The following ABCA9 variants were observed in gnomAD, a reference collection of about 807,000 sequenced individuals.
The protein encoded by ABCA9 is ATP-binding cassette sub-family A member 9.
Under a neutral mutation model 205.3 loss-of-function variants are expected in ABCA9, and 183 were observed. The observed-to-expected ratio is 0.89, with a 90% CI of 0.79 to 1.01. ABCA9 has a LOEUF of 1.01. ABCA9 is among the 50% of genes least tolerant of loss of function. ABCA9 has a pLI of 0.00. For synonymous variants in ABCA9, 651 were observed against 683.3 expected, an observed-to-expected ratio of 0.95 and a Z score of 0.74; for missense variants, 1,805 against 1,912.4, an observed-to-expected ratio of 0.94 and a Z score of 1.05.
chr17:69,015,969 TTG>T (rs3046825), intron 22 of ABCA9, among the ~76,000 whole-genome samples: 75,381 of 147,930 alleles, frequency 0.51, 21,587 homozygotes, highest in Non-Finnish European at 0.65. Flanking sequence ...CAATTCTAAA[TTG>T]TGTGTGTGTG....
At chr17:69,036,952 T>G (rs2071363302) in intron 6 of ABCA9, among the ~76,000 whole-genome samples, 1 of 123,184 alleles carries the variant, frequency 8.1e-6, no homozygotes, top group African/African-American at 3.1e-5. Context: ...CAACAAAGAT[T>G]AAAAAAAGAC....
At chr17:69,074,178 T>G in the ABCA9 span, among the ~76,000 whole-genome samples, 67 of 152,264 alleles carry the variant, frequency 4.4e-4, no homozygotes, top group Middle Eastern at 3.4e-3. Flanking sequence ...GATTCTTTTA[T>G]TCAATTTTAT....
At chr17:69,049,598 C>T (rs2071835627) in intron 2 of ABCA9, 108 bp from the exon 3 acceptor site, 2 of 912,194 alleles carry the variant, frequency 2.2e-6, no homozygotes, top group Non-Finnish European at 3.2e-6. Flanking sequence ...GCTTGCATTC[C>T]ATTTATTCTT....
intron 37 of ABCA9, among the ~76,000 whole-genome samples, chr17:68,977,262 G>A (rs1426178370): frequency 6.6e-6 from 1 of 152,112 alleles, no homozygotes; most frequent in Non-Finnish European, 1.5e-5. Context: ...ACCCCGGGGA[G>A]CTGTAATCAG....
intron 6 of ABCA9, chr17:69,042,681 G>A (rs1445758041): frequency 6.6e-6 from 1 of 152,208 alleles, no homozygotes; most frequent in Non-Finnish European, 1.5e-5. Context: ...GGCGCCCTGA[G>A]TATTGGCAAA....
intron 25 of ABCA9, among the ~76,000 whole-genome samples, chr17:69,006,942 T>C (rs1038109794): frequency 6.6e-6 from 1 of 152,130 alleles, no homozygotes. Context: ...TATGAAAGCA[T>C]AGGCAATGGA....
At chr17:68,997,032 G>C (rs778682786) in intron 25 of ABCA9, among the ~76,000 whole-genome samples, 20 of 152,216 alleles carry the variant, frequency 1.3e-4, no homozygotes, top group Non-Finnish European at 2.4e-4. Context: ...TCAGGTTCAA[G>C]CGATTCTCCT....
the ABCA9 span, among the ~76,000 whole-genome samples, chr17:69,071,105 A>G: frequency 1.3e-5 from 2 of 152,198 alleles, no homozygotes; most frequent in African/African-American, 4.8e-5. Flanking sequence ...GGGCTTATAG[A>G]TAAAACTCTG....
At chr17:69,059,803 GC>G in intron 1 of ABCA9, among the ~76,000 whole-genome samples, 1 of 152,058 alleles carries the variant, frequency 6.6e-6, no homozygotes, top group South Asian at 2.1e-4. Flanking sequence ...TGCCTCATCA[GC>G]AGAACAAAGA....
intron 1 of ABCA9, among the ~76,000 whole-genome samples, chr17:69,060,050 G>A (rs977655419): frequency 6.6e-6 from 1 of 152,144 alleles, no homozygotes; most frequent in African/African-American, 2.4e-5. Flanking sequence ...GTGAATTAAT[G>A]TGTGTGCCAG....
intron 37 of ABCA9, among the ~76,000 whole-genome samples, chr17:68,979,992 C>T (rs1228120332): frequency 4.1e-4 from 63 of 152,250 alleles, no homozygotes; most frequent in Non-Finnish European, 1.5e-4. Context: ...TCAGAGTGAA[C>T]AGGCAACCTA....
At chr17:69,078,795 G>T in the ABCA9 span, 1 of 436,258 alleles carries the variant, frequency 2.3e-6, no homozygotes, top group East Asian at 3.6e-5. Flanking sequence ...TCACAGGTTT[G>T]CTATCACCCC....
chr17:69,060,840 A>T (rs2144558476), intron 1 of ABCA9, 26 bp downstream of exon 1: 1 of 984,538 alleles, frequency 1.0e-6, no homozygotes, highest in Middle Eastern at 5.2e-4. Flanking sequence ...TATGCAAAAT[A>T]ACCACAATTT....
rs1290453742 is a variant in ABCA9 at position 68,974,610 on chromosome 17, T to C, written c.*1305A>G. 6.6e-6 allele frequency: 1 copy of C among 152,150 alleles called. No homozygotes were observed. Among genetic ancestry groups the C allele is most frequent in the Non-Finnish European group, 1.5e-5 (1 of 68,022 alleles). 9.4% of individuals were successfully genotyped at this position (152,150 alleles called of 1,614,324 possible). On this transcript the variant is annotated 3_prime_UTR_variant, in exon 39 of 39. Coordinates refer to ENST00000340001, the MANE Select transcript of ABCA9 (RefSeq NM_080283.4). ...AATTAGATAGCAATAATAATAGTAT[T>C]AACAAGAAAAACTCACCTAAATAAG...
intron 28 of ABCA9, 77 bp downstream of exon 28, chr17:68,992,098 A>C: frequency 9.8e-7 from 1 of 1,018,156 alleles, no homozygotes; most frequent in Non-Finnish European, 1.4e-6. Context: ...CTTTTACTTA[A>C]TTAATTCAGC....
chr17:69,055,558 T>A (rs2072043064), intron 1 of ABCA9, among the ~76,000 whole-genome samples: 1 of 152,220 alleles, frequency 6.6e-6, no homozygotes, highest in Non-Finnish European at 1.5e-5. Context: ...AATCCACTCT[T>A]ATAGTTGGAG....
At chr17:68,995,348 A>T (rs1012266609) in intron 26 of ABCA9, among the ~76,000 whole-genome samples, 7 of 152,090 alleles carry the variant, frequency 4.6e-5, no homozygotes, top group Non-Finnish European at 8.8e-5. Context: ...GGAGTTCAAG[A>T]TCATGTATTT....
intron 1 of ABCA9, among the ~76,000 whole-genome samples, chr17:69,054,324 C>T (rs868784420): frequency 1.3e-5 from 2 of 152,076 alleles, no homozygotes; most frequent in Middle Eastern, 3.4e-3. Context: ...AAGTTCAAGA[C>T]CAGCCTGGGC....
intron 35 of ABCA9, 59 bp from the exon 36 acceptor site, chr17:68,983,908 T>G (rs1368395815): frequency 9.3e-6 from 15 of 1,610,750 alleles, no homozygotes; most frequent in Non-Finnish European, 1.2e-5. Context: ...TGGCTTGTGA[T>G]GTTCAGCCTC....
Sources: gnomAD v4.1 joint callset for allele counts (sites outside exome capture counted in the v4.1 genomes callset) on GRCh38, gnomAD v4.1.1 for gene constraint, MANE v1.5 for transcripts, NCBI Gene and HGNC (gene_info 2026-07-23, HGNC 2026-07-21) for gene names.